The following ARHGAP6 variants were observed in gnomAD, a reference collection of about 807,000 sequenced individuals.
The protein encoded by ARHGAP6 is Rho GTPase activating protein 6.
A neutral mutation model predicts 55.7 loss-of-function variants in ARHGAP6; 16 were observed. The observed-to-expected ratio is 0.29, with a 90% confidence interval of 0.19 to 0.44. ARHGAP6 has a LOEUF of 0.44. ARHGAP6 is among the 20% of genes least tolerant of loss of function. The pLI is 1.00. For synonymous variants in ARHGAP6, 382 were observed against 360.9 expected (o/e 1.06, Z -0.66); for missense variants, 698 against 808.9 (o/e 0.86, Z 1.66).
intron 1 of ARHGAP6, among the ~76,000 whole-genome samples, chrX:11,258,238 TG>T (rs2047516061): frequency 9.1e-6 from 1 of 110,438 alleles, no homozygotes; most frequent in Non-Finnish European, 1.9e-5. Flanking sequence ...CCGTGCTAAG[TG>T]GGATGCTGAT....
chrX:11,487,164 T>C (rs1021070608), intron 1 of ARHGAP6, among the ~76,000 whole-genome samples: 1 of 112,370 alleles, frequency 8.9e-6, no homozygotes, highest in African/African-American at 3.2e-5. Context: ...AATACATATG[T>C]AGATGTATGT....
At chrX:11,283,841 T>G (rs1489050135) in intron 1 of ARHGAP6, among the ~76,000 whole-genome samples, 1 of 111,833 alleles carries the variant, frequency 8.9e-6, no homozygotes, top group Non-Finnish European at 1.9e-5. Flanking sequence ...TACCATGATT[T>G]TAGCCCAGTG....
chrX:11,616,570 T>G (rs1397093350), intron 1 of ARHGAP6, among the ~76,000 whole-genome samples: 2 of 111,573 alleles, frequency 1.8e-5, no homozygotes, highest in Non-Finnish European at 3.8e-5. Context: ...TCAAGTGATC[T>G]GCCTACCTCA....
chrX:11,529,537 A>T (rs1219652300), intron 1 of ARHGAP6, among the ~76,000 whole-genome samples: 2 of 112,062 alleles, frequency 1.8e-5, no homozygotes, highest in Non-Finnish European at 3.8e-5. Context: ...ATATCCTTAC[A>T]GACCTGCAAG....
intron 1 of ARHGAP6, among the ~76,000 whole-genome samples, chrX:11,602,419 G>A (rs2051987098): frequency 8.9e-6 from 1 of 112,277 alleles, no homozygotes; most frequent in East Asian, 2.8e-4. Context: ...ATCAAGGGAG[G>A]CTACATAACA....
intron 1 of ARHGAP6, among the ~76,000 whole-genome samples, chrX:11,306,634 A>G (rs1161022167): frequency 1.8e-5 from 2 of 112,599 alleles, no homozygotes; most frequent in Non-Finnish European, 3.7e-5. Context: ...TTTAAAACAC[A>G]CACACACTGC....
chrX:11,419,696 C>T (rs1039995453), intron 1 of ARHGAP6, among the ~76,000 whole-genome samples: 15 of 112,303 alleles, frequency 1.3e-4, no homozygotes, highest in African/African-American at 4.2e-4. Flanking sequence ...AAATATGGAG[C>T]CCACGTGCTC....
At chrX:11,244,090 A>G (rs958370971) in intron 2 of ARHGAP6, among the ~76,000 whole-genome samples, 2 of 112,581 alleles carry the variant, frequency 1.8e-5, no homozygotes, top group Non-Finnish European at 3.8e-5. Context: ...AAAGCACACA[A>G]TTACTACATC....
At chrX:11,452,293 A>G (rs766283440) in intron 1 of ARHGAP6, among the ~76,000 whole-genome samples, 1 of 111,602 alleles carries the variant, frequency 9.0e-6, no homozygotes, top group East Asian at 2.8e-4. Flanking sequence ...GATTACAGGC[A>G]TGCACCATCA....
intron 1 of ARHGAP6, among the ~76,000 whole-genome samples, chrX:11,306,542 C>A (rs1487004083): frequency 8.9e-6 from 1 of 112,416 alleles, no homozygotes; most frequent in Non-Finnish European, 1.9e-5. Context: ...TCATTTAATT[C>A]TCACAACGTT....
At chrX:11,609,578 G>T (rs1221599929) in intron 1 of ARHGAP6, among the ~76,000 whole-genome samples, 1 of 112,105 alleles carries the variant, frequency 8.9e-6, no homozygotes, top group African/African-American at 3.2e-5. Context: ...AGAAGCAGGA[G>T]AGGCAGCTAT....
intron 1 of ARHGAP6, among the ~76,000 whole-genome samples, chrX:11,384,493 G>A (rs1377717727): frequency 8.9e-6 from 1 of 112,272 alleles, no homozygotes; most frequent in Non-Finnish European, 1.9e-5. Context: ...GCTCAAGAAA[G>A]ATGTGCATGA....
chrX:11,346,718 G>GAAA (rs530345211), intron 1 of ARHGAP6, among the ~76,000 whole-genome samples: 8 of 34,044 alleles, frequency 2.3e-4, no homozygotes, highest in Non-Finnish European at 2.9e-4. Context: ...CAAGAAGAAA[G>GAAA]AAAAGAAAGA....
chrX:11,361,349 G>A (rs1450371479), intron 1 of ARHGAP6, among the ~76,000 whole-genome samples: 52 of 110,067 alleles, frequency 4.7e-4, no homozygotes, highest in African/African-American at 1.4e-3. Context: ...AAATAACGCC[G>A]CATATCTACA....
At chrX:11,564,741 T>C (rs1014417865) in intron 1 of ARHGAP6, among the ~76,000 whole-genome samples, 2 of 111,848 alleles carry the variant, frequency 1.8e-5, no homozygotes, top group African/African-American at 6.5e-5. Flanking sequence ...TTCAGTCTTG[T>C]ATCTAGGCCA....
chrX:11,186,423 C>G lies in ARHGAP6; in HGVS notation c.1086G>C (p.Met362Ile). The G allele has an allele frequency of 8.3e-7, 1 of 1,209,639 alleles. No homozygotes were observed. Among genetic ancestry groups the G allele is most frequent in the Non-Finnish European group, 1.1e-6 (1 of 894,084 alleles). ...PAPRARRRGA[M>I]SVDSITDLDD... is the part of the protein sequence containing the mutation. ...CAAGATCGGTGATAGAATCCACTGA[C>G]ATGGCACCCTGCAAGTGACACAGAG... The change falls in exon 5 of 13, where the codon ATG becomes ATC. Residue 362 changes from methionine (M) to isoleucine (I), a missense_variant. Physicochemically the swap from Met to Ile is conservative, Grantham distance 10. Around this residue, in one of 3 missense-constraint regions of ARHGAP6, gnomAD observed 322 missense variants for 451.1 expected, o/e 0.71. Coordinates refer to ENST00000337414, the MANE Select transcript of ARHGAP6 (RefSeq NM_013427.3).
intron 1 of ARHGAP6, among the ~76,000 whole-genome samples, chrX:11,317,615 T>C (rs1056026637): frequency 2.7e-5 from 3 of 111,883 alleles, no homozygotes; most frequent in African/African-American, 9.7e-5. Flanking sequence ...ATTTTGCTTT[T>C]ATTATAAGCC....
At chrX:11,260,785 G>A (rs1187188019) in intron 1 of ARHGAP6, among the ~76,000 whole-genome samples, 1 of 111,394 alleles carries the variant, frequency 9.0e-6, no homozygotes, top group African/African-American at 3.3e-5. Context: ...ATACAAAAAC[G>A]GGCATCAGGC....
Position 11,193,635 on chromosome X carries a change from T to C in ARHGAP6, c.820+3290A>G, listed in dbSNP as rs145884557. ...TCTCCCCTTAGTTGGGTGGGTGATATGTCTTTTCTTTGGAACCACCAGGAT... is the reference window on the plus strand; with the variant it reads ...TCTCCCCTTAGTTGGGTGGGTGATACGTCTTTTCTTTGGAACCACCAGGAT... On this transcript the variant is annotated intron_variant, in intron 3 of 12. Transcript: ENST00000337414. Among the ~76,000 whole-genome samples, 1,024 of 112,787 alleles carry C rather than the reference T, an allele frequency of 9.1e-3. 13 individuals carry two copies. Among genetic ancestry groups the C allele is most frequent in the African/African-American group, 0.031 (962 of 31,076 alleles).
Sources: gnomAD v4.1 joint callset for allele counts (sites outside exome capture counted in the v4.1 genomes callset) on GRCh38, gnomAD v4.1.1 for gene constraint, gnomAD v4.1.1 regional missense constraint, MANE v1.5 for transcripts, NCBI Gene and HGNC (gene_info 2026-07-23, HGNC 2026-07-21) for gene names.